Variants in PPM1L observed in about 807,000 individuals in gnomAD.
PPM1L encodes protein phosphatase 1L.
Under a neutral mutation model 31.4 loss-of-function variants are expected in PPM1L, and 13 were observed. That is an observed-to-expected ratio of 0.41 (90% CI 0.27 to 0.66). The LOEUF is 0.66. PPM1L is among the 30% of genes least tolerant of loss of function. PPM1L has a pLI of 0.29. For missense variants in PPM1L, 326 were observed against 453.7 expected (o/e 0.72, Z 2.56); for synonymous variants, 184 against 175.4 (o/e 1.05, Z -0.39).
chr3:160,869,923 T>C (rs1712241766), intron 1 of PPM1L, among the ~76,000 whole-genome samples: 1 of 152,244 alleles, frequency 6.6e-6, no homozygotes, highest in Admixed American at 6.5e-5. Flanking sequence ...GCTTTAGTCT[T>C]GGCTTGTCCG....
At chr3:160,821,748 A>G (rs1241202080) in intron 1 of PPM1L, among the ~76,000 whole-genome samples, 2 of 151,696 alleles carry the variant, frequency 1.3e-5, no homozygotes, top group Non-Finnish European at 2.9e-5. Context: ...TTTTTCCATT[A>G]TATTTGTGGA....
chr3:160,981,295 G>T (rs184598103), intron 2 of PPM1L, among the ~76,000 whole-genome samples: 1 of 152,164 alleles, frequency 6.6e-6, no homozygotes, highest in Admixed American at 6.5e-5. Context: ...CAAGCTGTCA[G>T]CCAGGGGAGC....
At chr3:160,879,371 C>T (rs1174496026) in intron 1 of PPM1L, among the ~76,000 whole-genome samples, 4 of 152,026 alleles carry the variant, frequency 2.6e-5, no homozygotes, top group African/African-American at 9.7e-5. Flanking sequence ...GGTCTTTTTA[C>T]CCTAGATTAT....
chr3:160,971,917 C>T (rs184866672), intron 2 of PPM1L, among the ~76,000 whole-genome samples: 26 of 152,210 alleles, frequency 1.7e-4, no homozygotes, highest in African/African-American at 6.3e-4. Context: ...GTTTACACCA[C>T]CATGGCTAAT....
chr3:160,906,371 AGGTGGGT>A (rs1173472518), intron 1 of PPM1L, among the ~76,000 whole-genome samples: 3 of 151,902 alleles, frequency 2.0e-5, no homozygotes, highest in African/African-American at 7.2e-5. Context: ...TGGGAGGCCA[AGGTGGGT>A]GGATCACGAG....
intron 1 of PPM1L, among the ~76,000 whole-genome samples, chr3:160,955,993 C>T (rs532800317): frequency 6.6e-6 from 1 of 152,222 alleles, no homozygotes; most frequent in East Asian, 1.9e-4. Flanking sequence ...CATTTAGCAG[C>T]TCTTGAAATA....
At chr3:161,006,680 CTTTTTTTTTTTT>C (rs1180679318) in intron 2 of PPM1L, among the ~76,000 whole-genome samples, 52 of 118,882 alleles carry the variant, frequency 4.4e-4, no homozygotes, top group East Asian at 2.5e-3. Flanking sequence ...ACCGTCTTTC[CTTTTTTTTTTTT>C]TTTTTTTTGA....
At chr3:160,850,088 C>G (rs767769849) in intron 1 of PPM1L, among the ~76,000 whole-genome samples, 5 of 152,198 alleles carry the variant, frequency 3.3e-5, no homozygotes, top group Non-Finnish European at 7.3e-5. Context: ...CAGATTGTCA[C>G]TTACACTCCT....
intron 2 of PPM1L, among the ~76,000 whole-genome samples, chr3:161,055,861 A>G (rs1162621568): frequency 6.6e-6 from 1 of 152,106 alleles, no homozygotes; most frequent in Non-Finnish European, 1.5e-5. Flanking sequence ...GGGAGCTGCT[A>G]TTAGCATAAG....
intron 1 of PPM1L, among the ~76,000 whole-genome samples, chr3:160,916,941 A>G (rs1714206578): frequency 2.6e-5 from 4 of 152,206 alleles, no homozygotes; most frequent in Admixed American, 6.5e-5. Flanking sequence ...TTTAATTTTT[A>G]AACTATATAA....
intron 1 of PPM1L, among the ~76,000 whole-genome samples, chr3:160,949,160 C>T (rs1186426857): frequency 6.6e-6 from 1 of 152,096 alleles, no homozygotes; most frequent in Non-Finnish European, 1.5e-5. Flanking sequence ...AGCCCAGTGA[C>T]CGAATTTTGT....
intron 1 of PPM1L, among the ~76,000 whole-genome samples, chr3:160,806,416 A>G (rs555534028): frequency 1.3e-5 from 2 of 152,240 alleles, no homozygotes; most frequent in South Asian, 2.1e-4. Flanking sequence ...TAACTGTTCT[A>G]TTACATGTCT....
chr3:160,864,352 T>C (rs1399984295), intron 1 of PPM1L, among the ~76,000 whole-genome samples: 1 of 152,038 alleles, frequency 6.6e-6, no homozygotes, highest in African/African-American at 2.4e-5. Context: ...TTTTTGTATG[T>C]TTTTTGTAAT....
intron 2 of PPM1L, among the ~76,000 whole-genome samples, chr3:160,992,872 G>C (rs1198892940): frequency 6.6e-6 from 1 of 152,134 alleles, no homozygotes; most frequent in Non-Finnish European, 1.5e-5. Flanking sequence ...AAGGAAGGTG[G>C]GCATGCACCA....
At chr3:161,037,109 C>T (rs373326580) in intron 2 of PPM1L, among the ~76,000 whole-genome samples, 8 of 152,168 alleles carry the variant, frequency 5.3e-5, no homozygotes, top group East Asian at 3.9e-4. Context: ...TCTCTCATTG[C>T]GGTGGAACTT....
chr3:160,910,273 T>TCCCCTC (rs1713922007), intron 1 of PPM1L, among the ~76,000 whole-genome samples: 1 of 99,132 alleles, frequency 1.0e-5, no homozygotes, highest in Non-Finnish European at 2.0e-5. Context: ...CCCTTCCCCT[T>TCCCCTC]CCCCTTCCCT....
chr3:160,962,279 A>G (rs1175717267), intron 2 of PPM1L, among the ~76,000 whole-genome samples: 1 of 151,662 alleles, frequency 6.6e-6, no homozygotes, highest in Non-Finnish European at 1.5e-5. Flanking sequence ...TTCTTTTCTA[A>G]AGAGGTATTT....
At chr3:160,951,849 C>A (rs1362557664) in intron 1 of PPM1L, among the ~76,000 whole-genome samples, 3 of 152,116 alleles carry the variant, frequency 2.0e-5, no homozygotes, top group Non-Finnish European at 2.9e-5. Flanking sequence ...AGTGTTATGC[C>A]CTCTGTGGTA....
intron 1 of PPM1L, among the ~76,000 whole-genome samples, chr3:160,805,294 A>G (rs73877962): frequency 0.074 from 11,306 of 152,178 alleles, 1,350 homozygotes; most frequent in African/African-American, 0.26. Context: ...TTCCTGTATT[A>G]AATTTGAGAA....
Sources: gnomAD v4.1 joint callset for allele counts (sites outside exome capture counted in the v4.1 genomes callset) on GRCh38, gnomAD v4.1.1 for gene constraint, MANE v1.5 for transcripts, NCBI Gene and HGNC (gene_info 2026-07-23, HGNC 2026-07-21) for gene names.